HADHB: variants seen among roughly 807,000 people sequenced by gnomAD.
HADHB encodes hydroxyacyl-CoA dehydrogenase trifunctional multienzyme complex subunit beta.
A neutral mutation model predicts 61.9 loss-of-function variants in HADHB; 50 were observed. The observed-to-expected ratio is 0.81, with a 90% confidence interval of 0.64 to 1.02. The LOEUF (loss-of-function observed/expected upper bound fraction) is 1.02, where lower values mean the gene tolerates loss of function less well. Ranked by LOEUF, HADHB falls within the 50% of genes least tolerant of loss-of-function variation. The pLI, the probability that HADHB is intolerant of heterozygous loss-of-function variation, is 0.00. For missense variants in HADHB, 504 were observed against 586.5 expected (o/e 0.86, Z 1.45); for synonymous variants, 191 against 201.6 (o/e 0.95, Z 0.45).
intron 5 of HADHB, among the ~76,000 whole-genome samples, chr2:26,272,000 A>G (rs777755724): frequency 6.6e-5 from 10 of 151,416 alleles, no homozygotes; most frequent in Non-Finnish European, 1.3e-4. Flanking sequence ...GCTCACTGCA[A>G]CCTCGAAGCC....
intron 1 of HADHB, among the ~76,000 whole-genome samples, chr2:26,251,929 G>A (rs556999433): frequency 2.6e-5 from 4 of 152,298 alleles, no homozygotes; most frequent in African/African-American, 9.6e-5. Flanking sequence ...CTGAAGGTCA[G>A]GAATCAAGGG....
In HADHB at chr2:26,284,962, G is replaced by A. The variant is rs559277360; in HGVS notation, c.1224+5G>A. On this transcript the variant is annotated splice_donor_5th_base_variant and intron_variant, in intron 14 of 15. Coordinates refer to ENST00000317799, the MANE Select transcript of HADHB (RefSeq NM_000183.3). ...TACATGGGTAGAAAAACCAAGGTGA[G>A]TTTCTAATTTTAAAAAATGCGTGAA... The A allele has an allele frequency of 3.0e-4, 434 of 1,457,712 alleles. 5 individuals carry two copies. The South Asian group carries it at 4.7e-3, about 16-fold the overall frequency. 90.3% of individuals were successfully genotyped at this position (1,457,712 alleles called of 1,614,324 possible).
At chr2:26,262,196 T>C (rs895213030) in intron 3 of HADHB, among the ~76,000 whole-genome samples, 2 of 152,220 alleles carry the variant, frequency 1.3e-5, no homozygotes, top group Admixed American at 6.5e-5. Flanking sequence ...GGTAAGGTCG[T>C]TGTTGACATT....
At position 26,261,212 on chromosome 2, in the gene HADHB, AC is replaced by A. The variant is rs70950178; in HGVS notation, c.110-2158del. ...CCAAAACAACAACAACACAACAAAT[AC>A]CCCCCCCCCATCCAGACAAACAAAA... On this transcript the variant is annotated intron_variant, in intron 3 of 15. Transcript: ENST00000317799. The A allele has an allele frequency of 0.025, 9,111 of 363,792 alleles. 294 individuals are homozygous for A. Among genetic ancestry groups the A allele is most frequent in the African/African-American group, 0.11 (5,026 of 45,352 alleles). The allele number at this position is 363,792 out of a possible 1,614,324, so 22.5% of individuals were successfully genotyped here.
chr2:26,258,972 C>T (rs1036153310), intron 3 of HADHB, among the ~76,000 whole-genome samples: 1 of 152,134 alleles, frequency 6.6e-6, no homozygotes, highest in Non-Finnish European at 1.5e-5. Flanking sequence ...AATTCTTAGT[C>T]GGCCTAGGAA....
At chr2:26,265,257 A>G (rs1228414834) in intron 4 of HADHB, among the ~76,000 whole-genome samples, 4 of 152,180 alleles carry the variant, frequency 2.6e-5, no homozygotes, top group African/African-American at 7.2e-5. Flanking sequence ...TGTAAGGATC[A>G]TTATATATTA....
At chr2:26,257,530 C>A (rs764434551) in intron 3 of HADHB, among the ~76,000 whole-genome samples, 1 of 152,068 alleles carries the variant, frequency 6.6e-6, no homozygotes, top group African/African-American at 2.4e-5. Flanking sequence ...AAACCTCTGT[C>A]TCCTCTGTGG....
At chr2:26,276,350 C>T (rs538453208) in intron 6 of HADHB, among the ~76,000 whole-genome samples, 1 of 152,284 alleles carries the variant, frequency 6.6e-6, no homozygotes, top group South Asian at 2.1e-4. Flanking sequence ...TGGTCTGACC[C>T]TTATTTGTTC....
intron 3 of HADHB, among the ~76,000 whole-genome samples, chr2:26,261,795 C>T (rs1671878723): frequency 6.6e-6 from 1 of 152,110 alleles, no homozygotes; most frequent in African/African-American, 2.4e-5. Context: ...AATTAAGTCC[C>T]CTTTTTTTTC....
chr2:26,271,333 C>A (rs1049659865), intron 5 of HADHB, among the ~76,000 whole-genome samples: 10 of 151,716 alleles, frequency 6.6e-5, no homozygotes, highest in African/African-American at 1.2e-4. Context: ...CATGGAGAAA[C>A]CCCATCTCTA....
chr2:26,250,539 A>T (rs984985101), intron 1 of HADHB, among the ~76,000 whole-genome samples: 2 of 152,126 alleles, frequency 1.3e-5, no homozygotes, highest in African/African-American at 4.8e-5. Context: ...TAAGTGATAA[A>T]AATATTCTCT....
chr2:26,273,438 A>T (rs542065626), intron 5 of HADHB, among the ~76,000 whole-genome samples: 1 of 152,128 alleles, frequency 6.6e-6, no homozygotes, highest in African/African-American at 2.4e-5. Flanking sequence ...CTCATTACCA[A>T]TTCAGCATCA....
At chr2:26,247,494 A>G (rs1179672332) in intron 1 of HADHB, among the ~76,000 whole-genome samples, 1 of 152,152 alleles carries the variant, frequency 6.6e-6, no homozygotes, top group Non-Finnish European at 1.5e-5. Context: ...TAACATTTTG[A>G]TGTGTATTTT....
chr2:26,252,872 T>A (rs1671457047), intron 1 of HADHB, among the ~76,000 whole-genome samples: 1 of 152,242 alleles, frequency 6.6e-6, no homozygotes, highest in Admixed American at 6.5e-5. Context: ...ATAGTTTTCA[T>A]GGATAATTAC....
intron 3 of HADHB, among the ~76,000 whole-genome samples, chr2:26,255,931 C>T (rs1429484968): frequency 6.6e-6 from 1 of 152,200 alleles, no homozygotes; most frequent in Non-Finnish European, 1.5e-5. Flanking sequence ...CTTTGCTTTG[C>T]AAAGTCACAC....
chr2:26,288,372 C>G (rs1673128392), intron 15 of HADHB, among the ~76,000 whole-genome samples: 2 of 152,238 alleles, frequency 1.3e-5, no homozygotes, highest in South Asian at 4.1e-4. Context: ...GTCAGTCAAA[C>G]CTTCCTATCC....
At chr2:26,274,527 T>C (rs975382598) in intron 6 of HADHB, among the ~76,000 whole-genome samples, 1 of 152,234 alleles carries the variant, frequency 6.6e-6, no homozygotes, top group Middle Eastern at 3.2e-3. Context: ...GTTCCACCTC[T>C]GTACCTGGCA....
At chr2:26,246,899 CCTAA>C (rs1427045271) in intron 1 of HADHB, among the ~76,000 whole-genome samples, 3 of 152,144 alleles carry the variant, frequency 2.0e-5, no homozygotes, top group African/African-American at 7.2e-5. Flanking sequence ...CAGGTATACC[CCTAA>C]CTGTGTATCA....
chr2:26,276,965 G>A, intron 6 of HADHB, 108 bp from the exon 7 acceptor site: 1 of 735,784 alleles, frequency 1.4e-6, no homozygotes, highest in South Asian at 1.4e-5. Flanking sequence ...TCTGGAGAAT[G>A]TTAAACTGAA....
Sources: allele counts gnomAD v4.1 joint callset (sites outside exome capture counted in the v4.1 genomes callset), GRCh38; gene constraint gnomAD v4.1.1; transcripts MANE v1.5; gene names NCBI Gene and HGNC (gene_info 2026-07-23, HGNC 2026-07-21).